KLHL32: variants seen among roughly 807,000 people sequenced by gnomAD.
KLHL32 encodes kelch-like protein 32.
Under a neutral mutation model 64.8 loss-of-function variants are expected in KLHL32, and 35 were observed. That is an observed-to-expected ratio of 0.54 (90% CI 0.41 to 0.72). KLHL32 has a LOEUF of 0.72. Ranked by LOEUF, KLHL32 falls within the 30% of genes least tolerant of loss-of-function variation. The pLI is 0.00. For synonymous variants in KLHL32, 259 were observed against 281.0 expected, an observed-to-expected ratio of 0.92 and a Z score of 0.78; for missense variants, 589 against 768.5, an observed-to-expected ratio of 0.77 and a Z score of 2.76.
intron 6 of KLHL32, among the ~76,000 whole-genome samples, chr6:97,094,851 TTGTG>T (rs1794754179): frequency 6.6e-6 from 1 of 152,188 alleles, no homozygotes; most frequent in South Asian, 2.1e-4. Flanking sequence ...CATATCTTCT[TTGTG>T]TGTGTTCTTG....
chr6:97,102,372 A>G (rs150632140), intron 6 of KLHL32, among the ~76,000 whole-genome samples: 11 of 152,262 alleles, frequency 7.2e-5, no homozygotes, highest in East Asian at 3.9e-4. Flanking sequence ...CCTATTGCCA[A>G]TGTGATACAG....
chr6:97,012,459 T>A (rs1313336857), intron 3 of KLHL32, among the ~76,000 whole-genome samples: 1 of 152,154 alleles, frequency 6.6e-6, no homozygotes, highest in Non-Finnish European at 1.5e-5. Context: ...TCCTAAAGCC[T>A]CCAGAAGGAA....
At chr6:96,923,936 G>A (rs550312875), upstream of KLHL32, among the ~76,000 whole-genome samples, 8 of 152,330 alleles carry the variant, frequency 5.3e-5, no homozygotes, top group African/African-American at 1.9e-4. Context: ...GAATGACTCG[G>A]AAGTGGCACT....
intron 3 of KLHL32, among the ~76,000 whole-genome samples, chr6:97,020,115 G>A (rs1781786140): frequency 6.6e-6 from 1 of 151,880 alleles, no homozygotes. Flanking sequence ...GCTGATTTTT[G>A]TATTTTTAGT....
intron 4 of KLHL32, among the ~76,000 whole-genome samples, chr6:97,057,993 G>T (rs117037925): frequency 0.012 from 1,885 of 152,192 alleles, 22 homozygotes; most frequent in South Asian, 0.027. Flanking sequence ...TTCTTGAAAA[G>T]ACTATCTTTT....
intron 6 of KLHL32, among the ~76,000 whole-genome samples, chr6:97,111,799 C>G (rs1039853900): frequency 1.3e-5 from 2 of 152,016 alleles, no homozygotes; most frequent in Admixed American, 1.3e-4. Context: ...GAAAGTGACT[C>G]TTAGTAGAAA....
At chr6:97,019,807 G>A (rs1278564501) in intron 3 of KLHL32, among the ~76,000 whole-genome samples, 1 of 152,086 alleles carries the variant, frequency 6.6e-6, no homozygotes, top group Admixed American at 6.5e-5. Flanking sequence ...TTGAGACGGA[G>A]TCTCCCTCTG....
intron 1 of KLHL32, among the ~76,000 whole-genome samples, chr6:96,929,667 T>C (rs932147796): frequency 1.3e-5 from 2 of 152,338 alleles, no homozygotes; most frequent in Admixed American, 6.5e-5. Context: ...CTCAACTTTC[T>C]TCATATTTCT....
At chr6:96,910,281 A>G in the KLHL32 span, among the ~76,000 whole-genome samples, 1 of 152,046 alleles carries the variant, frequency 6.6e-6, no homozygotes, top group Non-Finnish European at 1.5e-5. Flanking sequence ...AACAGAAGAT[A>G]AAGCAAAAAA....
At chr6:96,932,556 T>C (rs1418775932) in intron 1 of KLHL32, among the ~76,000 whole-genome samples, 1 of 145,262 alleles carries the variant, frequency 6.9e-6, no homozygotes, top group Non-Finnish European at 1.5e-5. Context: ...TTCACAAAGT[T>C]GTCAATTTCC....
chr6:96,978,422 G>C (rs184483030), intron 3 of KLHL32, among the ~76,000 whole-genome samples: 2 of 152,220 alleles, frequency 1.3e-5, no homozygotes, highest in African/African-American at 4.8e-5. Context: ...ATGTTAGTTA[G>C]CTTAGAATAA....
chr6:96,915,068 A>G, the KLHL32 span: 109,124 of 152,072 alleles, frequency 0.72, 39,340 homozygotes, highest in South Asian at 0.78. Context: ...GAAAGAATAA[A>G]TGTCACTTGT....
At chr6:96,932,286 C>G (rs577091821) in intron 1 of KLHL32, among the ~76,000 whole-genome samples, 6 of 148,160 alleles carry the variant, frequency 4.0e-5, no homozygotes, top group African/African-American at 1.5e-4. Flanking sequence ...CATTAATTAC[C>G]TACAATCTGA....
At chr6:97,106,707 G>A (rs988491444) in intron 6 of KLHL32, among the ~76,000 whole-genome samples, 1 of 151,074 alleles carries the variant, frequency 6.6e-6, no homozygotes, top group African/African-American at 2.4e-5. Context: ...TTGCGCCACT[G>A]CACTCCACTC....
chr6:96,952,752 T>C (rs1772778464), intron 1 of KLHL32, among the ~76,000 whole-genome samples: 1 of 152,208 alleles, frequency 6.6e-6, no homozygotes, highest in Non-Finnish European at 1.5e-5. Flanking sequence ...ATCACAAGAT[T>C]TGTGACTTCC....
At chr6:97,043,963 T>G (rs1277270912) in intron 4 of KLHL32, among the ~76,000 whole-genome samples, 4 of 152,102 alleles carry the variant, frequency 2.6e-5, no homozygotes, top group African/African-American at 9.7e-5. Context: ...CTTTAACTAT[T>G]CGAGTTCTCA....
chr6:97,090,185 T>G (rs541760460), intron 6 of KLHL32, among the ~76,000 whole-genome samples: 1 of 152,310 alleles, frequency 6.6e-6, no homozygotes, highest in African/African-American at 2.4e-5. Context: ...AGTTTCCATA[T>G]TAAAATGTAT....
intron 4 of KLHL32, among the ~76,000 whole-genome samples, chr6:97,043,983 T>C (rs761863661): frequency 5.3e-5 from 8 of 152,120 alleles, no homozygotes; most frequent in Non-Finnish European, 1.0e-4. Context: ...AGTTGTATTT[T>C]TTTTTTCTTG....
intron 1 of KLHL32, among the ~76,000 whole-genome samples, chr6:96,936,259 C>T (rs544829187): frequency 6.6e-5 from 10 of 152,190 alleles, no homozygotes; most frequent in South Asian, 4.1e-4. Context: ...TTTGCATGGC[C>T]GTTCATTTCT....
Sources: gnomAD v4.1 joint callset for allele counts (sites outside exome capture counted in the v4.1 genomes callset) on GRCh38, gnomAD v4.1.1 for gene constraint, MANE v1.5 for transcripts, NCBI Gene and HGNC (gene_info 2026-07-23, HGNC 2026-07-21) for gene names.